Variants in DIS3L observed in about 807,000 individuals in gnomAD.
DIS3L encodes the protein DIS3-like exonuclease 1.
Under a neutral mutation model 120.3 loss-of-function variants are expected in DIS3L, and 100 were observed. That is an observed-to-expected ratio of 0.83 (90% CI 0.71 to 0.98). The LOEUF (loss-of-function observed/expected upper bound fraction) is 0.98, where lower values mean the gene tolerates loss of function less well. DIS3L is among the 50% of genes least tolerant of loss of function. The probability of loss-of-function intolerance (pLI) is 0.00; values close to 1 mark genes in which losing one functional copy is unlikely to be tolerated. For missense variants in DIS3L, 1,196 were observed against 1,314.2 expected (o/e 0.91, Z 1.39); for synonymous variants, 426 against 470.6 (o/e 0.91, Z 1.23).
Position 66,326,339 on chromosome 15 carries a change from G to T in DIS3L, c.2176G>T (p.Ala726Ser). The T allele has an allele frequency of 6.2e-7, 1 of 1,614,104 alleles. No individual in the cohort carries two copies. Among genetic ancestry groups the T allele is most frequent in the African/African-American group, 1.3e-5 (1 of 75,052 alleles). Residue 726 changes from alanine to serine, a missense_variant, in exon 12 of 17, where the codon GCC becomes TCC. Ala to Ser is a moderately conservative substitution (Grantham distance 99). Transcript: ENST00000319212. Reference protein sequence around the residue: ...FFSELRECAKAKGFFIDTRSN... With the variant: ...FFSELRECAKSKGFFIDTRSN... ...TTCAGAACTCCGGGAATGTGCTAAA[G>T]CCAAAGGCTTCTTCATAGATACACG...
chr15:66,325,790 G>A, intron 11 of DIS3L, 41 bp from the exon 12 acceptor site: 2 of 1,548,588 alleles, frequency 1.3e-6, no homozygotes, highest in Non-Finnish European at 1.7e-6. Flanking sequence ...AAAGCCAGAT[G>A]AATTTGAATA....
At chr15:66,307,005 C>T in intron 3 of DIS3L, 53 bp downstream of exon 3, 3 of 1,603,370 alleles carry the variant, frequency 1.9e-6, no homozygotes, top group Non-Finnish European at 2.6e-6. Flanking sequence ...TTCATTTCCT[C>T]ATCATTGGCT....
chr15:66,329,354 C>T lies in DIS3L; in HGVS notation c.2490C>T (p.Asn830=). The change falls in exon 14 of 17, where the codon AAC becomes AAT. Residue 830 remains asparagine, a synonymous_variant. Coordinates refer to ENST00000319212, the MANE Select transcript of DIS3L (RefSeq NM_001143688.3). The stretch of plus-strand genomic sequence containing the variant: ...AAATTAAGGGAAATCTGTTCAGCAA[C>T]AAAGATCTTGAGGAATTATGCAGAC... ...KMEIKGNLFS[N]KDLEELCRHI... 2 of 1,612,932 alleles carry T rather than the reference C, an allele frequency of 1.2e-6. No homozygotes were observed. The highest frequency in any genetic ancestry group is 1.7e-6 in the Non-Finnish European group (2 of 1,179,772).
chr15:66,320,701 G>T lies in DIS3L; in HGVS notation c.1295G>T (p.Ser432Ile). The T allele has an allele frequency of 1.2e-6, 2 of 1,613,976 alleles. No individual in the cohort carries two copies. The highest frequency in any genetic ancestry group is 1.7e-6 in the Non-Finnish European group (2 of 1,179,944). ...ATTGCAACCATCCTGGTGGAAAACA[G>T]TATTTCAGTTATTCCTTTCTCAGAA... The part of the protein sequence containing the change: ...GEIATILVEN[S>I]ISVIPFSEAQ... The change falls in exon 9 of 17, where the codon AGT (serine) becomes ATT (isoleucine). Residue 432 changes from serine to isoleucine, a missense_variant. Physicochemically the swap from Ser to Ile is moderately radical, Grantham distance 142. Transcript: ENST00000319212.
At position 66,322,526 on chromosome 15, in the gene DIS3L, C is replaced by T. The variant is rs80128247; in HGVS notation, c.1327-161C>T. 2.6e-4 allele frequency among the ~76,000 whole-genome samples: 40 copies of T among 152,106 alleles called. No homozygotes were observed. The East Asian group carries it at 7.3e-3, about 28-fold the overall frequency. ...CACAGTACCTGGGATATCTGAGGCA[C>T]CTAGTAAACAATTATTGATCAAAGG... On this transcript the variant is annotated intron_variant, in intron 9 of 16. Transcript: ENST00000319212.
chr15:66,330,444 A>G (rs1472878569), intron 14 of DIS3L: 7 of 985,470 alleles, frequency 7.1e-6, no homozygotes, highest in Non-Finnish European at 8.4e-6. Context: ...ATTGCACAGC[A>G]TAGAACTAGA....
In DIS3L at chr15:66,332,756, C is replaced by T. The variant is rs2093014523; in HGVS notation, c.2702C>T (p.Ala901Val). ...FIPRFGIKGAAYLKNKDGLVI... is the reference protein window; with the variant it reads ...FIPRFGIKGAVYLKNKDGLVI... The stretch of plus-strand genomic sequence containing the variant: ...TATAGGTTTGGGATTAAAGGTGCTG[C>T]TTATCTAAAAAATAAAGATGGTTTA... Residue 901 changes from alanine to valine, a missense_variant, in exon 16 of 17, where the codon GCT becomes GTT. By Grantham distance (64) the Ala-to-Val change is moderately conservative. Coordinates refer to ENST00000319212, the MANE Select transcript of DIS3L (RefSeq NM_001143688.3). The T allele has an allele frequency of 6.2e-7, 1 of 1,612,696 alleles. No individual in the cohort carries two copies. Among genetic ancestry groups the T allele is most frequent in the Non-Finnish European group, 8.5e-7 (1 of 1,179,550 alleles).
In DIS3L at chr15:66,295,022, C is replaced by T. The variant is rs188177866; in HGVS notation, c.174C>T (p.Tyr58=). 325 of 1,613,906 alleles carry T rather than the reference C, an allele frequency of 2.0e-4. No homozygotes were observed. In the African/African-American group the frequency reaches 3.7e-3, roughly 18 times the overall value. ...TCTTGTCTAGTGATGTGACTCATTA[C>T]GTGATCCCAGACTGGAAAGTTGTTC... The part of the protein sequence containing the change: ...GKLLSSDVTH[Y]VIPDWKVVQD... Residue 58 remains tyrosine, a synonymous_variant, in exon 2 of 17, where the codon TAC becomes TAT. Coordinates refer to ENST00000319212, the MANE Select transcript of DIS3L (RefSeq NM_001143688.3).
chr15:66,318,504 G>T lies in DIS3L; in HGVS notation c.1050G>T (p.Pro350=). The T allele has an allele frequency of 6.2e-7, 1 of 1,613,946 alleles. No homozygotes were observed. The highest frequency in any genetic ancestry group is 8.5e-7 in the Non-Finnish European group (1 of 1,179,996). Residue 350 remains proline, a synonymous_variant, in exon 8 of 17, where the codon CCG becomes CCT. Transcript: ENST00000319212. ...GGCGGGATTATGTGGTGACATTTCC[G>T]TCCAAAGAAGAGGTCCAATCTCAGG... is the stretch of plus-strand genomic sequence containing the variant. ...KNWRDYVVTF[P]SKEEVQSQGK... is the part of the protein sequence containing the mutation.
rs746367530 is a variant in DIS3L, at chr15:66,325,851, G to C, written c.1688G>C (p.Trp563Ser). 2 of 1,605,478 alleles carry C rather than the reference G, an allele frequency of 1.2e-6. No individual in the cohort carries two copies. The highest frequency in any genetic ancestry group is 1.7e-6 in the Non-Finnish European group (2 of 1,172,834). ...TGTAGGTATGCTGTAAGCATCATGT[G>C]GGAACTGGATAAAGCCTCTTATGAA... ...GVDRYAVSIM[W>S]ELDKASYEIK... Residue 563 changes from tryptophan to serine, a missense_variant, in exon 12 of 17, where the codon TGG becomes TCG. By Grantham distance (177) the Trp-to-Ser change is radical. Coordinates refer to ENST00000319212, the MANE Select transcript of DIS3L (RefSeq NM_001143688.3).
intron 14 of DIS3L, 128 bp from the exon 15 acceptor site, chr15:66,331,747 T>C (rs902236299): frequency 9.3e-7 from 1 of 1,074,554 alleles, no homozygotes; most frequent in Admixed American, 3.0e-5. Flanking sequence ...AGTAATTTAA[T>C]TTCATAGTAG....
In DIS3L at chr15:66,332,731, T is replaced by TA; in HGVS notation, c.2682-4dup. The TA allele has an allele frequency of 6.2e-7, 1 of 1,608,606 alleles. No individual in the cohort carries two copies. The highest frequency in any genetic ancestry group is 8.5e-7 in the Non-Finnish European group (1 of 1,177,342). ...CTCTGGATTTATATTCTGGTCATAA[T>TA]ATAGGTTTGGGATTAAAGGTGCTGC... On this transcript the variant is annotated splice_polypyrimidine_tract_variant and splice_region_variant and intron_variant, in intron 15 of 16. Coordinates refer to ENST00000319212, the MANE Select transcript of DIS3L (RefSeq NM_001143688.3).
intron 12 of DIS3L, 142 bp downstream of exon 12, chr15:66,326,506 C>A: frequency 1.1e-6 from 1 of 916,996 alleles, no homozygotes; most frequent in Admixed American, 2.9e-5. Context: ...TTTGAAGACA[C>A]ATTTTTCCCT....
At chr15:66,312,917 CTAA>C in intron 5 of DIS3L, among the ~76,000 whole-genome samples, 1 of 152,290 alleles carries the variant, frequency 6.6e-6, no homozygotes, top group South Asian at 2.1e-4. Context: ...TCTAGAGAGG[CTAA>C]TGTTTCCAAC....
At position 66,320,634 on chromosome 15, in the gene DIS3L, T is replaced by G. The variant is rs781037397; in HGVS notation, c.1228T>G (p.Phe410Val). Reference sequence around the variant, plus strand: ...AACATCTGTGTATCCAAATGGACATTTTGTGCGTGTTTTAGGAAGAATCGG... The same window carrying G: ...AACATCTGTGTATCCAAATGGACATGTTGTGCGTGTTTTAGGAAGAATCGG... Reference protein sequence around the residue: ...ESTSVYPNGHFVRVLGRIGDL... With the variant: ...ESTSVYPNGHVVRVLGRIGDL... Residue 410 changes from phenylalanine (F) to valine (V), a missense_variant, in exon 9 of 17, where the codon TTT becomes GTT. Phe to Val is a conservative substitution (Grantham distance 50, BLOSUM62 -1). Transcript: ENST00000319212. The G allele has an allele frequency of 9.9e-6, 16 of 1,614,108 alleles. No homozygotes were observed.
At position 66,332,837 on chromosome 15, in the gene DIS3L, G is replaced by T. The variant is rs148188484; in HGVS notation, c.2783G>T (p.Arg928Leu). The T allele has an allele frequency of 1.2e-6, 2 of 1,613,928 alleles. No individual in the cohort carries two copies. The highest frequency in any genetic ancestry group is 2.2e-5 in the South Asian group (2 of 91,064). Residue 928 changes from arginine (R) to leucine (L), a missense_variant, in exon 16 of 17, where the codon CGA (arginine) becomes CTA (leucine). Transcript: ENST00000319212. ...GAATGGAAACCAGGATCCCTTCAAC[G>T]ATTTCAAAACAAAATTACCTCTACT... The part of the protein sequence containing the change: ...CSEWKPGSLQ[R>L]FQNKITSTTT...
chr15:66,320,522 C>T, intron 8 of DIS3L, 49 bp from the exon 9 acceptor site: 1 of 1,559,312 alleles, frequency 6.4e-7, no homozygotes, highest in Non-Finnish European at 8.7e-7. Context: ...CTAATTGACC[C>T]ACTTAACTCC....
At chr15:66,327,528 C>T (rs577272104) in intron 12 of DIS3L, among the ~76,000 whole-genome samples, 17 of 152,024 alleles carry the variant, frequency 1.1e-4, no homozygotes, top group South Asian at 6.2e-4. Flanking sequence ...GAGGCCGAGG[C>T]GGGCAGATCA....
intron 2 of DIS3L, among the ~76,000 whole-genome samples, chr15:66,299,504 C>G (rs1263690886): frequency 6.6e-6 from 1 of 150,530 alleles, no homozygotes; most frequent in Non-Finnish European, 1.5e-5. Flanking sequence ...CACGATCACG[C>G]CGTTGCACTC....
Sources: allele counts gnomAD v4.1 joint callset (sites outside exome capture counted in the v4.1 genomes callset), GRCh38; gene constraint gnomAD v4.1.1; transcripts MANE v1.5; gene names NCBI Gene and HGNC (gene_info 2026-07-23, HGNC 2026-07-21).